The following THSD7B variants were observed in gnomAD, a reference collection of about 807,000 sequenced individuals.
THSD7B encodes thrombospondin type-1 domain-containing protein 7B.
THSD7B carries 138 observed loss-of-function variants against 213.6 expected under a neutral mutation model. The observed-to-expected ratio is 0.65, with a 90% CI of 0.56 to 0.74. The LOEUF (loss-of-function observed/expected upper bound fraction) is 0.74. Among genes scored for constraint, THSD7B ranks in the 30% least tolerant of loss-of-function variants. THSD7B has a pLI of 0.00. For synonymous variants in THSD7B, 742 were observed against 687.0 expected (o/e 1.08, Z -1.25); for missense variants, 1,931 against 1,991.5 (o/e 0.97, Z 0.58).
At chr2:137,345,062 G>A (rs1255828579) in intron 12 of THSD7B, among the ~76,000 whole-genome samples, 4 of 151,598 alleles carry the variant, frequency 2.6e-5, no homozygotes, top group African/African-American at 7.3e-5. Context: ...TGGAACCAGA[G>A]GAAGCTACTT....
chr2:137,338,843 G>C (rs977411227), intron 12 of THSD7B, among the ~76,000 whole-genome samples: 1 of 151,978 alleles, frequency 6.6e-6, no homozygotes, highest in Non-Finnish European at 1.5e-5. Context: ...GAAAGACAAA[G>C]ACAAAGGACA....
intron 15 of THSD7B, among the ~76,000 whole-genome samples, chr2:137,536,012 C>A (rs772381735): frequency 4.2e-4 from 63 of 150,712 alleles, no homozygotes; most frequent in South Asian, 2.1e-4. Context: ...TATTTAGGGA[C>A]CTAACCGGCC....
intron 15 of THSD7B, among the ~76,000 whole-genome samples, chr2:137,544,559 T>C (rs565507254): frequency 6.6e-6 from 1 of 151,980 alleles, no homozygotes; most frequent in African/African-American, 2.4e-5. Flanking sequence ...AATATTTATG[T>C]AAGTTAAAGA....
intron 12 of THSD7B, among the ~76,000 whole-genome samples, chr2:137,278,942 G>A (rs547918714): frequency 2.4e-4 from 36 of 152,112 alleles, no homozygotes; most frequent in South Asian, 1.9e-3. Context: ...TGTCATAAAG[G>A]CAAAAGCATT....
At chr2:137,144,962 TC>T (rs1679665336) in intron 5 of THSD7B, among the ~76,000 whole-genome samples, 1 of 152,090 alleles carries the variant, frequency 6.6e-6, no homozygotes, top group Admixed American at 6.6e-5. Flanking sequence ...CTTGATTTTC[TC>T]ATTTGTAAAA....
intron 15 of THSD7B, among the ~76,000 whole-genome samples, chr2:137,470,798 A>T (rs1688076705): frequency 6.6e-6 from 1 of 151,844 alleles, no homozygotes; most frequent in Non-Finnish European, 1.5e-5. Context: ...AATGTCTGGC[A>T]CTCTTCAGCT....
At chr2:137,200,302 A>G (rs1680849481) in intron 7 of THSD7B, among the ~76,000 whole-genome samples, 1 of 152,164 alleles carries the variant, frequency 6.6e-6, no homozygotes, top group South Asian at 2.1e-4. Flanking sequence ...GAAAGAAATC[A>G]GTTTAGATTT....
At chr2:137,262,776 C>T (rs901182162) in intron 10 of THSD7B, among the ~76,000 whole-genome samples, 4 of 152,100 alleles carry the variant, frequency 2.6e-5, no homozygotes, top group African/African-American at 9.7e-5. Context: ...GTTCTCCTCC[C>T]TGGGGATTTT....
intron 14 of THSD7B, among the ~76,000 whole-genome samples, 192 bp downstream of exon 14, chr2:137,412,064 T>C (rs2105013342): frequency 6.6e-6 from 1 of 152,324 alleles, no homozygotes; most frequent in South Asian, 2.1e-4. Flanking sequence ...ATCTGGAATG[T>C]GATGGTGCTG....
chr2:137,268,468 A>G lies in THSD7B; in HGVS notation c.2267-4065A>G, dbSNP rs1024925944. On this transcript the variant is annotated intron_variant, in intron 10 of 27. Coordinates refer to ENST00000409968, the MANE Select transcript of THSD7B (RefSeq NM_001316349.2). ...GGTTTCCAGCTTAATCCATGTTATT[A>G]TTTCTTGATGATATGCTCAACAAGG... Among the ~76,000 whole-genome samples the G allele has an allele frequency of 1.6e-4, 24 of 152,100 alleles. 1 individual carries two copies. Among genetic ancestry groups the G allele is most frequent in the African/African-American group, 5.1e-4 (21 of 41,498 alleles).
intron 7 of THSD7B, among the ~76,000 whole-genome samples, chr2:137,184,743 GA>G (rs1310813437): frequency 7.2e-5 from 11 of 152,156 alleles, no homozygotes; most frequent in Admixed American, 2.0e-4. Flanking sequence ...GGCAAGAGAA[GA>G]AAAGAAAGCC....
chr2:136,813,490 C>T (rs191253073), intron 1 of THSD7B, among the ~76,000 whole-genome samples: 7 of 147,040 alleles, frequency 4.8e-5, no homozygotes, highest in Non-Finnish European at 2.9e-5. Flanking sequence ...ACAAATGGCT[C>T]GCCTGTATTT....
intron 5 of THSD7B, among the ~76,000 whole-genome samples, chr2:137,151,208 C>T (rs908379638): frequency 3.9e-5 from 6 of 152,178 alleles, no homozygotes; most frequent in African/African-American, 1.4e-4. Context: ...AAACTTTTAA[C>T]TCTTTTGTTA....
intron 12 of THSD7B, among the ~76,000 whole-genome samples, chr2:137,368,326 TCTC>T (rs955807371): frequency 2.8e-4 from 43 of 152,216 alleles, no homozygotes; most frequent in African/African-American, 1.0e-3. Flanking sequence ...TCTATATTTT[TCTC>T]CTTTTTCCTT....
At chr2:136,770,148 G>A (rs1430708576) in intron 1 of THSD7B, among the ~76,000 whole-genome samples, 2 of 152,178 alleles carry the variant, frequency 1.3e-5, no homozygotes, top group East Asian at 1.9e-4. Flanking sequence ...TCTGAACTTC[G>A]TGGCAGTTAG....
At chr2:136,963,508 A>G (rs1303081810) in intron 2 of THSD7B, among the ~76,000 whole-genome samples, 1 of 152,102 alleles carries the variant, frequency 6.6e-6, no homozygotes, top group Non-Finnish European at 1.5e-5. Context: ...TACTGGCATG[A>G]TGGCACATGA....
chr2:137,374,625 T>A (rs1178308186), intron 12 of THSD7B, among the ~76,000 whole-genome samples: 1 of 152,182 alleles, frequency 6.6e-6, no homozygotes, highest in African/African-American at 2.4e-5. Context: ...CTGTGTGTAC[T>A]TAACATGTCA....
At chr2:137,261,681 T>C (rs867338444) in intron 10 of THSD7B, among the ~76,000 whole-genome samples, 1 of 152,126 alleles carries the variant, frequency 6.6e-6, no homozygotes, top group Non-Finnish European at 1.5e-5. Context: ...ATAAAAGAGA[T>C]AGAGAGTGTC....
chr2:137,202,943 A>G (rs964319980), intron 7 of THSD7B, among the ~76,000 whole-genome samples: 1 of 152,202 alleles, frequency 6.6e-6, no homozygotes, highest in Admixed American at 6.5e-5. Context: ...GATAATGGAT[A>G]GAGGGATAGA....
Sources: allele counts gnomAD v4.1 joint callset (sites outside exome capture counted in the v4.1 genomes callset), GRCh38; gene constraint gnomAD v4.1.1; transcripts MANE v1.5; gene names NCBI Gene and HGNC (gene_info 2026-07-23, HGNC 2026-07-21).